Variants in OSBP observed in about 807,000 individuals in gnomAD.
OSBP encodes the protein oxysterol binding protein.
A neutral mutation model predicts 96.6 loss-of-function variants in OSBP; 32 were observed. The observed-to-expected ratio is 0.33, with a 90% confidence interval of 0.25 to 0.45. OSBP has a LOEUF of 0.45. OSBP is among the 20% of genes least tolerant of loss of function. OSBP has a pLI of 1.00. For missense variants in OSBP, 653 were observed against 1,029.7 expected, an observed-to-expected ratio of 0.63 and a Z score of 5.01; for synonymous variants, 369 against 389.6, an observed-to-expected ratio of 0.95 and a Z score of 0.62.
Position 59,601,590 on chromosome 11 carries a change from A to C in OSBP, c.1021+50T>G, listed in dbSNP as rs189593628. ...TGGAGTTCTCCTATCAACTGCAGAA[A>C]ACCATCTGGCTCACCTTAGACCAGG... On this transcript the variant is annotated intron_variant, in intron 4 of 13. Transcript: ENST00000263847. 5.8e-6 allele frequency: 9 copies of C among 1,558,530 alleles called. No homozygotes were observed. In the Admixed American group the frequency reaches 1.3e-4, roughly 23 times the overall value.
At chr11:59,601,247 T>C (rs750879039) in intron 5 of OSBP, 36 bp downstream of exon 5, 3 of 1,140,220 alleles carry the variant, frequency 2.6e-6, no homozygotes, top group Admixed American at 1.7e-5. Flanking sequence ...ATGGTGAAGA[T>C]ATGTTTATTT....
chr11:59,593,440 AT>A (rs1353511643), intron 9 of OSBP, 163 bp downstream of exon 9: 5 of 673,278 alleles, frequency 7.4e-6, no homozygotes, highest in Non-Finnish European at 1.0e-5. Context: ...CTCCACACTC[AT>A]TTGATAGCTG....
chr11:59,590,438 A>C (rs1860563828), intron 9 of OSBP, among the ~76,000 whole-genome samples: 1 of 152,210 alleles, frequency 6.6e-6, no homozygotes, highest in African/African-American at 2.4e-5. Flanking sequence ...CTAGCTGGTT[A>C]AGTTGACCCT....
intron 3 of OSBP, among the ~76,000 whole-genome samples, chr11:59,607,434 C>T (rs1477710895): frequency 6.6e-6 from 1 of 152,070 alleles, no homozygotes; most frequent in African/African-American, 2.4e-5. Context: ...TAGTGTTAAA[C>T]ATATCAGAAA....
chr11:59,596,695 G>A (rs182962043), intron 7 of OSBP, among the ~76,000 whole-genome samples: 2 of 152,086 alleles, frequency 1.3e-5, no homozygotes, highest in African/African-American at 2.4e-5. Context: ...AGAGGTGGGG[G>A]TCCAAGAGAG....
intron 5 of OSBP, 43 bp downstream of exon 5, chr11:59,601,240 G>T (rs1256461939): frequency 1.8e-6 from 2 of 1,083,840 alleles, no homozygotes; most frequent in African/African-American, 1.5e-5. Context: ...CATATTGATG[G>T]TGAAGATATG....
intron 7 of OSBP, among the ~76,000 whole-genome samples, chr11:59,595,912 C>A (rs1275750828): frequency 1.3e-5 from 2 of 150,994 alleles, no homozygotes; most frequent in Non-Finnish European, 2.9e-5. Flanking sequence ...CCACTGCACT[C>A]CAGCCTGGGC....
chr11:59,599,801 T>C (rs1218181645), intron 7 of OSBP, among the ~76,000 whole-genome samples: 3 of 152,192 alleles, frequency 2.0e-5, no homozygotes, highest in African/African-American at 7.2e-5. Context: ...ACAGGATGCC[T>C]GAAGGAAATC....
intron 7 of OSBP, chr11:59,595,227 T>C (rs1590672825): frequency 6.6e-6 from 1 of 152,664 alleles, no homozygotes; most frequent in African/African-American, 2.4e-5. Context: ...CAAGTCAGGT[T>C]CCCAAGTTAG....
intron 3 of OSBP, 40 bp downstream of exon 3, chr11:59,608,444 G>A: frequency 1.2e-6 from 2 of 1,612,312 alleles, no homozygotes; most frequent in South Asian, 1.1e-5. Context: ...TTCAAAGAGG[G>A]AATGAATCAA....
At chr11:59,588,026 A>T (rs1214601897) in intron 9 of OSBP, among the ~76,000 whole-genome samples, 1 of 152,244 alleles carries the variant, frequency 6.6e-6, no homozygotes, top group Non-Finnish European at 1.5e-5. Context: ...GTACATACAC[A>T]CAATAGGATA....
chr11:59,615,623 C>T lies in OSBP; in HGVS notation c.42G>A (p.Pro14=), dbSNP rs1488529164. ...TELRGVVGPG[P]AAIAALGGGG... ...CGCCGCCAAGTGCTGCAATGGCTGC[C>T]GGGCCTGGCCCCACCACTCCTCTCA... The change falls in exon 1 of 14, where the codon CCG becomes CCA. Residue 14 remains proline, a synonymous_variant. Coordinates refer to ENST00000263847, the MANE Select transcript of OSBP (RefSeq NM_002556.3). The T allele has an allele frequency of 5.5e-5, 76 of 1,378,202 alleles. No homozygotes were observed. In the East Asian group the frequency reaches 1.7e-3, roughly 30 times the overall value. The allele number at this position is 1,378,202 out of a possible 1,614,324, so 85.4% of individuals were successfully genotyped here. A position where few individuals can be genotyped will look rare whatever the true frequency, so the allele number is the denominator to read the frequency against.
rs570412042 is a variant in OSBP, at chr11:59,577,102, C to G, written c.2061-77G>C. On this transcript the variant is annotated intron_variant, in intron 12 of 13. Transcript: ENST00000263847. ...ATTTAAAGAGCAACAACTAAGTACA[C>G]TGCCAAGGCCACATCACCAAGGCTG... is the stretch of plus-strand genomic sequence containing the variant. 3.5e-6 allele frequency: 4 copies of G among 1,136,492 alleles called. No individual in the cohort carries two copies. In the East Asian group the frequency reaches 7.1e-5, roughly 20 times the overall value. 70.4% of individuals were successfully genotyped at this position (1,136,492 alleles called of 1,614,324 possible).
intron 3 of OSBP, among the ~76,000 whole-genome samples, chr11:59,608,197 T>C (rs1860806655): frequency 6.6e-6 from 1 of 152,178 alleles, no homozygotes; most frequent in Non-Finnish European, 1.5e-5. Flanking sequence ...CAGCTAATAC[T>C]GATCAGATGT....
chr11:59,605,004 T>C (rs561145165), intron 3 of OSBP, among the ~76,000 whole-genome samples: 55 of 150,568 alleles, frequency 3.7e-4, no homozygotes, highest in Non-Finnish European at 8.9e-5. Flanking sequence ...ACACAAAAAA[T>C]TAGTCGGGTG....
chr11:59,592,988 G>A (rs1231002387), intron 9 of OSBP, among the ~76,000 whole-genome samples: 1 of 152,056 alleles, frequency 6.6e-6, no homozygotes. Context: ...AGTAAAGACA[G>A]GGTTTCACCA....
In OSBP at chr11:59,576,234, A is replaced by G. The variant is rs1860359865; in HGVS notation, c.*343T>C. 1 of 213,954 alleles carries G rather than the reference A, an allele frequency of 4.7e-6. No homozygotes were observed. Among genetic ancestry groups the G allele is most frequent in the African/African-American group, 2.3e-5 (1 of 43,346 alleles). 13.3% of individuals were successfully genotyped at this position (213,954 alleles called of 1,614,324 possible). On this transcript the variant is annotated 3_prime_UTR_variant, in exon 14 of 14. Coordinates refer to ENST00000263847, the MANE Select transcript of OSBP (RefSeq NM_002556.3). ...GCAGATCTTGGCTGAGCAGGATACT[A>G]CAAGGGGAGGGTGAGTGACATTGTC...
At chr11:59,600,655 A>G in intron 6 of OSBP, 28 bp from the exon 7 acceptor site, 1 of 1,604,986 alleles carries the variant, frequency 6.2e-7, no homozygotes, top group Non-Finnish European at 8.5e-7. Context: ...CCATTCAACC[A>G]CCCACAAAGA....
intron 7 of OSBP, among the ~76,000 whole-genome samples, chr11:59,596,928 C>T (rs1342434971): frequency 5.9e-5 from 9 of 152,166 alleles, no homozygotes; most frequent in East Asian, 1.9e-4. Context: ...TCCTGTGTTA[C>T]AGCCTAGAGT....
Sources: allele counts gnomAD v4.1 joint callset (sites outside exome capture counted in the v4.1 genomes callset), GRCh38; gene constraint gnomAD v4.1.1; transcripts MANE v1.5; gene names NCBI Gene and HGNC (gene_info 2026-07-23, HGNC 2026-07-21).